Variants in SEMA5A observed in about 807,000 individuals in gnomAD.
The protein encoded by SEMA5A is semaphorin-5A.
SEMA5A carries 55 observed loss-of-function variants against 135.5 expected under a neutral mutation model. That is an observed-to-expected ratio of 0.41 (90% confidence interval 0.33 to 0.51). The LOEUF is 0.51. Ranked by LOEUF, SEMA5A falls within the 20% of genes least tolerant of loss-of-function variation. SEMA5A has a pLI of 0.37. For synonymous variants in SEMA5A, 580 were observed against 546.5 expected (o/e 1.06, Z -0.85); for missense variants, 1,290 against 1,419.9 (o/e 0.91, Z 1.47).
chr5:9,386,532 G>C (rs1755898498), intron 2 of SEMA5A, among the ~76,000 whole-genome samples: 1 of 152,140 alleles, frequency 6.6e-6, no homozygotes, highest in Non-Finnish European at 1.5e-5. Context: ...CTGCACCCTT[G>C]CTGATGTCAT....
intron 9 of SEMA5A, among the ~76,000 whole-genome samples, chr5:9,197,728 T>TTGTATGTGTGTGTGTGTTTG (rs778921009): frequency 1.7e-5 from 1 of 59,288 alleles, no homozygotes; most frequent in African/African-American, 7.5e-5. Flanking sequence ...GGAAAGCTGT[T>TTGTATGTGTGTGTGTGTTTG]TGTGTGTGTG....
At chr5:9,535,389 G>C (rs1171965524) in intron 1 of SEMA5A, among the ~76,000 whole-genome samples, 1 of 152,088 alleles carries the variant, frequency 6.6e-6, no homozygotes, top group Non-Finnish European at 1.5e-5. Context: ...GTGGAAAGCT[G>C]CAACAGCCAA....
At chr5:9,142,365 A>G (rs534789137) in intron 12 of SEMA5A, among the ~76,000 whole-genome samples, 2 of 152,288 alleles carry the variant, frequency 1.3e-5, no homozygotes, top group South Asian at 4.1e-4. Context: ...AGTTTGAAGA[A>G]CTGGTAAAAT....
chr5:9,200,575 T>C (rs934168791), intron 9 of SEMA5A, among the ~76,000 whole-genome samples: 14 of 152,188 alleles, frequency 9.2e-5, no homozygotes, highest in African/African-American at 3.4e-4. Flanking sequence ...AAATAATCTC[T>C]GGGTTGAAGA....
At chr5:9,541,917 T>C (rs1397574074) in intron 1 of SEMA5A, among the ~76,000 whole-genome samples, 1 of 152,238 alleles carries the variant, frequency 6.6e-6, no homozygotes, top group Non-Finnish European at 1.5e-5. Context: ...TATGTTGAAA[T>C]AAATTACCTA....
intron 13 of SEMA5A, among the ~76,000 whole-genome samples, chr5:9,125,407 A>G (rs1741052336): frequency 6.6e-6 from 1 of 152,200 alleles, no homozygotes; most frequent in African/African-American, 2.4e-5. Flanking sequence ...TACATGTGCC[A>G]TGGTGGTTTG....
intron 1 of SEMA5A, among the ~76,000 whole-genome samples, chr5:9,501,290 T>G (rs1735585021): frequency 6.6e-6 from 1 of 152,206 alleles, no homozygotes; most frequent in African/African-American, 2.4e-5. Flanking sequence ...TTACTTGCAT[T>G]CTTAAAATGT....
chr5:9,162,899 C>T (rs988400400), intron 11 of SEMA5A, among the ~76,000 whole-genome samples: 10 of 151,990 alleles, frequency 6.6e-5, no homozygotes, highest in East Asian at 1.9e-4. Flanking sequence ...CCTGTTCATA[C>T]GGATCAAGAG....
At chr5:9,228,023 A>C (rs1747414382) in intron 6 of SEMA5A, among the ~76,000 whole-genome samples, 1 of 152,188 alleles carries the variant, frequency 6.6e-6, no homozygotes, top group African/African-American at 2.4e-5. Flanking sequence ...GCAGTGATGG[A>C]CATGTGAGCT....
rs1404225248 is a variant in SEMA5A at position 9,036,015 on chromosome 5, C to T, written c.*6882G>A. On this transcript the variant is annotated 3_prime_UTR_variant, in exon 23 of 23. Coordinates refer to ENST00000382496, the MANE Select transcript of SEMA5A (RefSeq NM_003966.3). Reference sequence around the variant, plus strand: ...TATTTTGTGTTCACAAAACAGCCAACAGCAAATTAACGCAGAATGAGGCAT... The same window carrying T: ...TATTTTGTGTTCACAAAACAGCCAATAGCAAATTAACGCAGAATGAGGCAT... The T allele has an allele frequency of 7.3e-6, 1 of 137,766 alleles. No homozygotes were observed. Among genetic ancestry groups the T allele is most frequent in the Non-Finnish European group, 1.6e-5 (1 of 64,074 alleles). The allele number at this position is 137,766 out of a possible 1,614,324, so 8.5% of individuals were successfully genotyped here. A position where few individuals can be genotyped will look rare whatever the true frequency, so the allele number is the denominator to read the frequency against.
intron 12 of SEMA5A, among the ~76,000 whole-genome samples, chr5:9,154,093 A>ATATATATATATAGATGTGTGTGTGTG (rs372321939): frequency 1.4e-5 from 1 of 73,528 alleles, no homozygotes; most frequent in Non-Finnish European, 2.4e-5. Flanking sequence ...ATATATATAT[A>ATATATATATATAGATGTGTGTGTGTG]TGTGTGTGTG....
At chr5:9,423,847 G>C (rs777698536) in intron 2 of SEMA5A, among the ~76,000 whole-genome samples, 1 of 152,146 alleles carries the variant, frequency 6.6e-6, no homozygotes, top group Non-Finnish European at 1.5e-5. Flanking sequence ...TGTTCACAGA[G>C]ATTCAATGAG....
At chr5:9,336,179 G>A (rs1011363868) in intron 4 of SEMA5A, among the ~76,000 whole-genome samples, 2 of 151,976 alleles carry the variant, frequency 1.3e-5, no homozygotes, top group African/African-American at 4.8e-5. Context: ...GAGGTCAGAA[G>A]GGAAAAAGCC....
chr5:9,426,936 A>T (rs1332286257), intron 2 of SEMA5A, among the ~76,000 whole-genome samples: 1 of 152,240 alleles, frequency 6.6e-6, no homozygotes, highest in Admixed American at 6.5e-5. Context: ...CACTTCTAAG[A>T]CATTTACATA....
At chr5:9,083,551 A>C (rs1377838795) in intron 16 of SEMA5A, among the ~76,000 whole-genome samples, 2 of 151,820 alleles carry the variant, frequency 1.3e-5, no homozygotes, top group Admixed American at 6.6e-5. Flanking sequence ...CAGTTATGAT[A>C]ATCAAAATAT....
chr5:9,297,421 T>TA (rs1273547823), intron 5 of SEMA5A, among the ~76,000 whole-genome samples: 1 of 152,156 alleles, frequency 6.6e-6, no homozygotes, highest in Non-Finnish European at 1.5e-5. Flanking sequence ...AGTGCCCTGA[T>TA]AAAAAAGGAA....
chr5:9,191,709 TGAGA>T (rs1239193498), intron 10 of SEMA5A, among the ~76,000 whole-genome samples: 13 of 152,262 alleles, frequency 8.5e-5, no homozygotes, highest in Non-Finnish European at 1.3e-4. Flanking sequence ...AAAGAGAATC[TGAGA>T]GTTAAACGGA....
At chr5:9,374,803 C>G (rs1341990715) in intron 3 of SEMA5A, among the ~76,000 whole-genome samples, 1 of 152,260 alleles carries the variant, frequency 6.6e-6, no homozygotes, top group East Asian at 1.9e-4. Flanking sequence ...CACCCACCCC[C>G]ACCCACAAGC....
At chr5:9,393,658 A>G (rs1396875836) in intron 2 of SEMA5A, among the ~76,000 whole-genome samples, 1 of 152,264 alleles carries the variant, frequency 6.6e-6, no homozygotes. Context: ...AATAAAGGCT[A>G]TTTAATAAAA....
Sources: allele counts gnomAD v4.1 joint callset (sites outside exome capture counted in the v4.1 genomes callset), GRCh38; gene constraint gnomAD v4.1.1; transcripts MANE v1.5; gene names NCBI Gene and HGNC (gene_info 2026-07-23, HGNC 2026-07-21).